ATRN: variants seen among roughly 807,000 people sequenced by gnomAD.
ATRN encodes the protein attractin.
ATRN carries 54 observed loss-of-function variants against 178.7 expected under a neutral mutation model. That is an observed-to-expected ratio of 0.30 (90% confidence interval 0.24 to 0.38). ATRN has a LOEUF of 0.38. ATRN is among the 10% of genes least tolerant of loss of function. The pLI is 1.00. For synonymous variants in ATRN, 636 were observed against 663.0 expected (o/e 0.96, Z 0.63); for missense variants, 1,443 against 1,815.1 (o/e 0.79, Z 3.73).
intron 24 of ATRN, among the ~76,000 whole-genome samples, chr20:3,618,686 A>G (rs2086871558): frequency 6.6e-6 from 1 of 152,186 alleles, no homozygotes; most frequent in Admixed American, 6.5e-5. Flanking sequence ...TTAACTGGCC[A>G]TGGGGCTCTG....
chr20:3,596,717 T>G (rs75004488), intron 21 of ATRN, among the ~76,000 whole-genome samples: 1 of 10,470 alleles, frequency 9.6e-5, no homozygotes, highest in Non-Finnish European at 1.9e-4. Context: ...CTTAAAACTT[T>G]ACTTTATTTG....
rs748641685 is a variant in ATRN at position 3,562,452 on chromosome 20, C to G, written c.1624C>G (p.Gln542Glu). 2.2e-5 allele frequency: 36 copies of G among 1,613,684 alleles called. 1 individual carries two copies. Among genetic ancestry groups the G allele is most frequent in the Non-Finnish European group, 3.0e-5 (35 of 1,179,888 alleles). Residue 542 changes from glutamine (Q) to glutamate (E), a missense_variant, in exon 9 of 29, where the codon CAG becomes GAG. Physicochemically the swap from Gln to Glu is conservative, Grantham distance 29. Around this residue, in one of 4 missense-constraint regions of ATRN, gnomAD observed 862 missense variants for 972.1 expected, o/e 0.89. Transcript: ENST00000262919. Reference protein sequence around the residue: ...DDLYRYDVDTQMWTILKDSRF... With the variant: ...DDLYRYDVDTEMWTILKDSRF... Reference sequence around the variant, plus strand: ...TCTCTACCGATATGATGTGGATACCCAGATGTGGTGGGTACTTTTTCTTGA... The same window carrying G: ...TCTCTACCGATATGATGTGGATACCGAGATGTGGTGGGTACTTTTTCTTGA...
At chr20:3,626,857 A>G (rs1600167505) in intron 25 of ATRN, among the ~76,000 whole-genome samples, 1 of 136,182 alleles carries the variant, frequency 7.3e-6, no homozygotes, top group South Asian at 2.2e-4. Flanking sequence ...ATCTTGGCTC[A>G]CTGCAAGCAA....
intron 24 of ATRN, among the ~76,000 whole-genome samples, chr20:3,622,508 A>G (rs1350683034): frequency 1.3e-5 from 2 of 150,530 alleles, no homozygotes; most frequent in African/African-American, 4.8e-5. Flanking sequence ...AGTAATTTTT[A>G]ATTACCTCGT....
chr20:3,529,368 G>A (rs923069235), intron 1 of ATRN, among the ~76,000 whole-genome samples: 2 of 152,116 alleles, frequency 1.3e-5, no homozygotes, highest in African/African-American at 4.8e-5. Context: ...GAGAAATGTA[G>A]ATACCTGTCC....
Position 3,554,990 on chromosome 20 carries a change from C to CTTTTT in ATRN, c.1113-4377_1113-4373dup, listed in dbSNP as rs536209701. Among the ~76,000 whole-genome samples, 91 of 67,488 alleles carry CTTTTT rather than the reference C, an allele frequency of 1.3e-3. 5 individuals carry two copies. Among genetic ancestry groups the CTTTTT allele is most frequent in the Admixed American group, 3.2e-3 (14 of 4,330 alleles). 44.3% of individuals were successfully genotyped at this position (67,488 alleles called of 152,430 possible). A position where few individuals can be genotyped will look rare whatever the true frequency, so the allele number is the denominator to read the frequency against. ...TGGAACACCAAGTGTGACCTGACCTCTTTTTTTTTTTTTTTTTTTTTTTTT... is the reference window on the plus strand; with the variant it reads ...TGGAACACCAAGTGTGACCTGACCTCTTTTTTTTTTTTTTTTTTTTTTTTTTTTTT... On this transcript the variant is annotated intron_variant, in intron 6 of 28. Transcript: ENST00000262919.
chr20:3,530,768 A>G (rs2085442541), intron 1 of ATRN, among the ~76,000 whole-genome samples: 1 of 152,196 alleles, frequency 6.6e-6, no homozygotes, highest in Admixed American at 6.5e-5. Context: ...ACTTGACCAT[A>G]AAGAAAATCT....
At chr20:3,492,963 A>C (rs1440170108) in intron 1 of ATRN, among the ~76,000 whole-genome samples, 2 of 146,678 alleles carry the variant, frequency 1.4e-5, no homozygotes, top group African/African-American at 5.0e-5. Flanking sequence ...ATATAATATA[A>C]TATACTATAT....
At chr20:3,577,766 G>A (rs886542346) in intron 14 of ATRN, among the ~76,000 whole-genome samples, 1 of 152,150 alleles carries the variant, frequency 6.6e-6, no homozygotes, top group Non-Finnish European at 1.5e-5. Context: ...GTGCAAGTGT[G>A]GGGTGGGGCC....
At chr20:3,601,760 A>T (rs1387964899) in intron 23 of ATRN, among the ~76,000 whole-genome samples, 1 of 148,352 alleles carries the variant, frequency 6.7e-6, no homozygotes, top group Non-Finnish European at 1.5e-5. Context: ...ACTACTCAGG[A>T]GGCTGAGATG....
In ATRN at chr20:3,554,016, CAGAT is replaced by C. The variant is rs372448063; in HGVS notation, c.1112+4681_1112+4684del. On this transcript the variant is annotated intron_variant, in intron 6 of 28. Coordinates refer to ENST00000262919, the MANE Select transcript of ATRN (RefSeq NM_139321.3). ...CAGAGCTTAGCTCATAGAAGGTACT[CAGAT>C]AGGTATTTATCAGATAAACGGGGGA... is the stretch of plus-strand genomic sequence containing the variant. Among the ~76,000 whole-genome samples, 378 of 152,314 alleles carry C rather than the reference CAGAT, an allele frequency of 2.5e-3. 2 individuals are homozygous for C. Among genetic ancestry groups the C allele is most frequent in the African/African-American group, 8.6e-3 (357 of 41,574 alleles).
At position 3,647,087 on chromosome 20, in the gene ATRN, A is replaced by G. The variant is rs1000908571; in HGVS notation, c.*240A>G. ...ACTTGATTTAATTACAGGTCCAGGG[A>G]TGAGCTGATGGTTGCTGGAGGAGGC... On this transcript the variant is annotated 3_prime_UTR_variant, in exon 29 of 29. Coordinates refer to ENST00000262919, the MANE Select transcript of ATRN (RefSeq NM_139321.3). 4.8e-6 allele frequency: 2 copies of G among 416,698 alleles called. No individual in the cohort carries two copies. Among genetic ancestry groups the G allele is most frequent in the Admixed American group, 4.0e-5 (1 of 24,910 alleles). The allele number at this position is 416,698 out of a possible 1,614,324, so 25.8% of individuals were successfully genotyped here. A position where few individuals can be genotyped will look rare whatever the true frequency, so the allele number is the denominator to read the frequency against.
At chr20:3,546,990 A>G (rs1041620554) in intron 4 of ATRN, among the ~76,000 whole-genome samples, 4 of 152,224 alleles carry the variant, frequency 2.6e-5, no homozygotes, top group Non-Finnish European at 4.4e-5. Flanking sequence ...ATGAGGAGCT[A>G]ACAGTTCTGC....
At chr20:3,505,535 A>T (rs1232532401) in intron 1 of ATRN, among the ~76,000 whole-genome samples, 1 of 152,208 alleles carries the variant, frequency 6.6e-6, no homozygotes, top group Non-Finnish European at 1.5e-5. Context: ...TTTTCTGGAG[A>T]ACCCTAATAT....
chr20:3,634,586 T>G lies in ATRN; in HGVS notation c.3942+197T>G, dbSNP rs191380744. Among the ~76,000 whole-genome samples the G allele has an allele frequency of 1.1e-4, 17 of 152,224 alleles. No individual in the cohort carries two copies. The highest frequency in any genetic ancestry group is 1.6e-4 in the Non-Finnish European group (11 of 68,018). Reference sequence around the variant, plus strand: ...AGACTTAGATGAGTGCTACATAAAGTGTAATTAGTTCTGCACCACAGTGTC... The same window carrying G: ...AGACTTAGATGAGTGCTACATAAAGGGTAATTAGTTCTGCACCACAGTGTC... On this transcript the variant is annotated intron_variant, in intron 26 of 28. Transcript: ENST00000262919.
At chr20:3,531,035 A>G (rs1167640058) in intron 1 of ATRN, among the ~76,000 whole-genome samples, 3 of 152,216 alleles carry the variant, frequency 2.0e-5, no homozygotes, top group African/African-American at 7.2e-5. Flanking sequence ...TGTGACTGCC[A>G]GTGAACTAGG....
At chr20:3,635,150 A>G (rs965543923) in intron 26 of ATRN, among the ~76,000 whole-genome samples, 8 of 152,004 alleles carry the variant, frequency 5.3e-5, no homozygotes, top group Non-Finnish European at 1.0e-4. Flanking sequence ...TACAAGTGGG[A>G]ACTAAGCCCT....
intron 1 of ATRN, among the ~76,000 whole-genome samples, chr20:3,494,604 TA>T (rs1468426764): frequency 2.0e-5 from 3 of 152,058 alleles, no homozygotes; most frequent in African/African-American, 7.2e-5. Context: ...GAGGTGAAGG[TA>T]AAGAAAGAGT....
At chr20:3,556,457 T>G (rs2085877984) in intron 6 of ATRN, among the ~76,000 whole-genome samples, 1 of 152,194 alleles carries the variant, frequency 6.6e-6, no homozygotes, top group Non-Finnish European at 1.5e-5. Context: ...AGCCTTTGCC[T>G]TGGTCTTTAG....
Sources: allele counts gnomAD v4.1 joint callset (sites outside exome capture counted in the v4.1 genomes callset), GRCh38; gene constraint gnomAD v4.1.1; regional missense constraint gnomAD v4.1.1; transcripts MANE v1.5; gene names NCBI Gene and HGNC (gene_info 2026-07-23, HGNC 2026-07-21).